The following ZNF423 variants were observed in gnomAD, a reference collection of about 807,000 sequenced individuals.
ZNF423 encodes zinc finger protein 423.
In ZNF423, 12 loss-of-function variants were observed where a neutral mutation model predicts 95.8. The ratio of observed to expected loss-of-function variants is 0.13; its 90% CI spans 0.08 to 0.20. ZNF423 has a LOEUF of 0.20. ZNF423 is among the 10% of genes least tolerant of loss of function. The pLI is 1.00. For synonymous variants in ZNF423, 749 were observed against 711.9 expected (o/e 1.05, Z -0.83); for missense variants, 1,316 against 1,737.1 (o/e 0.76, Z 4.31).
intron 7 of ZNF423, among the ~76,000 whole-genome samples, chr16:49,513,022 G>A (rs1967961169): frequency 6.6e-6 from 1 of 152,142 alleles, no homozygotes; most frequent in African/African-American, 2.4e-5. Context: ...CTTGAACCCG[G>A]GAGGCGGAGA....
chr16:49,771,158 C>A (rs890009258), intron 2 of ZNF423, among the ~76,000 whole-genome samples: 1 of 151,546 alleles, frequency 6.6e-6, no homozygotes, highest in Non-Finnish European at 1.5e-5. Flanking sequence ...TGTGTCCCCA[C>A]CCAAATCTCA....
At chr16:49,544,878 A>G (rs940921164) in intron 5 of ZNF423, among the ~76,000 whole-genome samples, 1 of 152,270 alleles carries the variant, frequency 6.6e-6, no homozygotes, top group Non-Finnish European at 1.5e-5. Context: ...CGCAGGGTGC[A>G]GCATTGGGTG....
chr16:49,491,091 C>T lies in ZNF423; in HGVS notation c.*184G>A, dbSNP rs1389471436. The T allele has an allele frequency of 1.0e-5, 7 of 686,538 alleles. No individual in the cohort carries two copies. In the Admixed American group the frequency reaches 1.6e-4, roughly 16 times the overall value. 42.5% of individuals were successfully genotyped at this position (686,538 alleles called of 1,614,324 possible). A position where few individuals can be genotyped will look rare whatever the true frequency, so the allele number is the denominator to read the frequency against. On this transcript the variant is annotated 3_prime_UTR_variant, in exon 8 of 8. Transcript: ENST00000563137. ...AATAAAAAATACTGAGCATGGAATA[C>T]TTTTAATCTCTGCCATTAATATTCA... is the stretch of plus-strand genomic sequence containing the variant.
intron 5 of ZNF423, among the ~76,000 whole-genome samples, chr16:49,598,617 A>G (rs1366474551): frequency 6.6e-6 from 1 of 152,224 alleles, no homozygotes; most frequent in Non-Finnish European, 1.5e-5. Context: ...AGGGCATTCC[A>G]CTGTACAGGA....
At chr16:49,856,415 A>T (rs948582934), upstream of ZNF423, among the ~76,000 whole-genome samples, 2 of 122,600 alleles carry the variant, frequency 1.6e-5, no homozygotes, top group East Asian at 4.5e-4. Context: ...GCGGAAGCTC[A>T]GTACCCCCCA....
At chr16:49,512,823 C>T (rs998800451) in intron 7 of ZNF423, among the ~76,000 whole-genome samples, 2 of 152,168 alleles carry the variant, frequency 1.3e-5, no homozygotes, top group Non-Finnish European at 2.9e-5. Context: ...CGGCTGGGCA[C>T]GGTGGCCCAT....
chr16:49,780,188 A>G (rs2143766040), intron 2 of ZNF423, among the ~76,000 whole-genome samples: 1 of 152,344 alleles, frequency 6.6e-6, no homozygotes, highest in South Asian at 2.1e-4. Flanking sequence ...AGTCCAGAGC[A>G]CACATGTGTA....
chr16:49,696,010 C>T (rs1307924957), intron 3 of ZNF423, among the ~76,000 whole-genome samples: 1 of 152,188 alleles, frequency 6.6e-6, no homozygotes, highest in African/African-American at 2.4e-5. Flanking sequence ...ATAAAGTCTG[C>T]AAGTGCTAGG....
intron 5 of ZNF423, among the ~76,000 whole-genome samples, chr16:49,594,668 C>T (rs1350857863): frequency 1.3e-5 from 2 of 152,064 alleles, no homozygotes; most frequent in Non-Finnish European, 2.9e-5. Flanking sequence ...AATGTGTTAG[C>T]CCAAAAAAAC....
chr16:49,857,036 G>C (rs1450890159), upstream of ZNF423, among the ~76,000 whole-genome samples: 2 of 150,008 alleles, frequency 1.3e-5, no homozygotes, highest in African/African-American at 4.9e-5. This position sits in a 1 kb window ranked among gnomAD's most constrained non-coding sequence, Gnocchi z 6.2. Context: ...TCGCGCTCCT[G>C]TCTTCTTTGT....
chr16:49,623,122 T>C (rs1287658183), intron 5 of ZNF423, among the ~76,000 whole-genome samples: 2 of 152,132 alleles, frequency 1.3e-5, no homozygotes, highest in East Asian at 1.9e-4. Context: ...CGGGGTTCCA[T>C]GCCGCAGTGA....
intron 1 of ZNF423, among the ~76,000 whole-genome samples, chr16:49,845,569 C>T (rs1305532493): frequency 6.6e-6 from 1 of 151,988 alleles, no homozygotes; most frequent in Non-Finnish European, 1.5e-5. Flanking sequence ...GAGAAAGGGT[C>T]TCACTCTGTC....
At chr16:49,853,464 T>A (rs1419268531) in intron 1 of ZNF423, among the ~76,000 whole-genome samples, 1 of 152,036 alleles carries the variant, frequency 6.6e-6, no homozygotes, top group Non-Finnish European at 1.5e-5. Flanking sequence ...GAGACAAGGG[T>A]TGTAGCTGCT....
Position 49,636,502 on chromosome 16 carries a change from G to C in ZNF423, c.2674C>G (p.Pro892Ala). The stretch of plus-strand genomic sequence containing the variant: ...CCACAGATGTCACAGCCGTACATGG[G>C]CTCCGACGCGTCCACGTCATCCTCG... ...ASEDDVDASE[P>A]MYGCDICGAA... Residue 892 changes from proline to alanine, a missense_variant, in exon 4 of 8, where the codon CCC becomes GCC. Around this residue, in one of 6 missense-constraint regions of ZNF423, gnomAD observed 620 missense variants for 775.6 expected, o/e 0.80. Transcript: ENST00000563137. The surrounding 1 kb of genome is among the most constrained non-coding windows in gnomAD (Gnocchi z 8.6). 6.2e-7 allele frequency: 1 copy of C among 1,613,722 alleles called. No homozygotes were observed. The highest frequency in any genetic ancestry group is 8.5e-7 in the Non-Finnish European group (1 of 1,180,022).
intron 2 of ZNF423, among the ~76,000 whole-genome samples, chr16:49,768,311 C>T (rs1455197896): frequency 6.6e-6 from 1 of 152,164 alleles, no homozygotes; most frequent in Non-Finnish European, 1.5e-5. Flanking sequence ...ACCCGTGAGC[C>T]CCAACTCTTC....
chr16:49,529,466 GC>G (rs1968757076), intron 5 of ZNF423, among the ~76,000 whole-genome samples: 1 of 152,114 alleles, frequency 6.6e-6, no homozygotes, highest in African/African-American at 2.4e-5. Context: ...AATAGGATGT[GC>G]TTTTGCTTAA....
intron 5 of ZNF423, among the ~76,000 whole-genome samples, chr16:49,537,117 T>A (rs1969079798): frequency 6.6e-6 from 1 of 152,208 alleles, no homozygotes; most frequent in Admixed American, 6.5e-5. Flanking sequence ...TACACCCTGA[T>A]AATTATGTGG....
chr16:49,737,285 T>C (rs77468209), intron 2 of ZNF423, among the ~76,000 whole-genome samples: 11 of 151,364 alleles, frequency 7.3e-5, no homozygotes, highest in East Asian at 5.8e-4. Context: ...TTTTTTTTTT[T>C]CCAAGACAGA....
At chr16:49,645,610 G>C (rs549816661) in intron 3 of ZNF423, among the ~76,000 whole-genome samples, 1 of 152,316 alleles carries the variant, frequency 6.6e-6, no homozygotes, top group African/African-American at 2.4e-5. Flanking sequence ...AGGCTTTGGT[G>C]TTCCCAAAAT....
Sources: allele counts gnomAD v4.1 joint callset (sites outside exome capture counted in the v4.1 genomes callset), GRCh38; gene constraint gnomAD v4.1.1; regional missense constraint gnomAD v4.1.1; non-coding constraint Gnocchi (gnomAD v3.1); transcripts MANE v1.5; gene names NCBI Gene and HGNC (gene_info 2026-07-23, HGNC 2026-07-21).